The following CARMIL1 variants were observed in gnomAD, a reference collection of about 807,000 sequenced individuals.
CARMIL1 encodes the protein F-actin-uncapping protein LRRC16A.
A neutral mutation model predicts 177.1 loss-of-function variants in CARMIL1; 90 were observed. The observed-to-expected ratio is 0.51, with a 90% CI of 0.43 to 0.61. CARMIL1 has a LOEUF of 0.61. Ranked by LOEUF, CARMIL1 falls within the 20% of genes least tolerant of loss-of-function variation. The pLI is 0.00. For missense variants in CARMIL1, 1,380 were observed against 1,667.0 expected (o/e 0.83, Z 3.00); for synonymous variants, 577 against 606.2 (o/e 0.95, Z 0.71).
intron 31 of CARMIL1, among the ~76,000 whole-genome samples, chr6:25,593,473 T>C (rs963416871): frequency 6.6e-6 from 1 of 152,220 alleles, no homozygotes; most frequent in African/African-American, 2.4e-5. Context: ...ATTGTATTAT[T>C]AGTTGGAAAG....
chr6:25,565,513 C>T (rs935072687), intron 29 of CARMIL1, among the ~76,000 whole-genome samples: 1 of 152,194 alleles, frequency 6.6e-6, no homozygotes, highest in Non-Finnish European at 1.5e-5. Flanking sequence ...TTAGTTCTAT[C>T]AGCATTGTTC....
At chr6:25,550,401 GT>G (rs1375931566) in intron 26 of CARMIL1, among the ~76,000 whole-genome samples, 2 of 152,092 alleles carry the variant, frequency 1.3e-5, no homozygotes, top group Admixed American at 1.3e-4. Context: ...AAAATTGGCA[GT>G]AGTTTCTGTG....
At chr6:25,465,630 T>C (rs990147678) in intron 8 of CARMIL1, 2 of 455,514 alleles carry the variant, frequency 4.4e-6, no homozygotes, top group Admixed American at 7.9e-5. Context: ...TCAAGCAAAT[T>C]CTGATACCAA....
rs187856956 is a variant in CARMIL1, at chr6:25,591,678, A to G, written c.3007-2737A>G. On this transcript the variant is annotated intron_variant, in intron 31 of 36. Transcript: ENST00000329474. ...TTTCAATTCAGTCTTCAGTTTTTCTACTGCTCTTCACGTAGGCTGATGCCA... is the reference window on the plus strand; with the variant it reads ...TTTCAATTCAGTCTTCAGTTTTTCTGCTGCTCTTCACGTAGGCTGATGCCA... Among the ~76,000 whole-genome samples the G allele has an allele frequency of 7.2e-5, 11 of 152,296 alleles. No homozygotes were observed. The East Asian group carries it at 2.1e-3, about 29-fold the overall frequency.
intron 2 of CARMIL1, among the ~76,000 whole-genome samples, chr6:25,297,725 G>C (rs1342460283): frequency 6.6e-6 from 1 of 152,210 alleles, no homozygotes; most frequent in African/African-American, 2.4e-5. Flanking sequence ...ACATATGCAG[G>C]TTGTCCGCAG....
chr6:25,542,480 T>G (rs1809019165), intron 26 of CARMIL1, among the ~76,000 whole-genome samples: 1 of 152,292 alleles, frequency 6.6e-6, no homozygotes, highest in African/African-American at 2.4e-5. Flanking sequence ...GCCTCCTTAT[T>G]TGCAAATATC....
At chr6:25,536,062 G>C (rs1808272474) in intron 24 of CARMIL1, among the ~76,000 whole-genome samples, 1 of 152,066 alleles carries the variant, frequency 6.6e-6, no homozygotes, top group Non-Finnish European at 1.5e-5. Flanking sequence ...GTTCTCTCGT[G>C]GTGATTAAAG....
At chr6:25,569,471 A>G (rs1156297334) in intron 29 of CARMIL1, among the ~76,000 whole-genome samples, 1 of 152,182 alleles carries the variant, frequency 6.6e-6, no homozygotes, top group Admixed American at 6.5e-5. Context: ...CTGATTGATT[A>G]CCACAGCTCT....
At position 25,551,085 on chromosome 6, in the gene CARMIL1, G is replaced by A; in HGVS notation, c.2504G>A (p.Ser835Asn). The change falls in exon 27 of 37, where the codon AGT (serine) becomes AAT (asparagine). Residue 835 changes from serine (S) to asparagine (N), a missense_variant and splice_region_variant. Physicochemically the swap from Ser to Asn is conservative, Grantham distance 46. Transcript: ENST00000329474. ...QSGIDILNKI[S>N]EVKLTVASFL... ...GGAATTGATATCCTTAACAAAATTA[G>A]GTAGGTTTATAATGTTAATAAACCT... is the stretch of plus-strand genomic sequence containing the variant. 6.2e-7 allele frequency: 1 copy of A among 1,611,518 alleles called. No homozygotes were observed. Among genetic ancestry groups the A allele is most frequent in the Non-Finnish European group, 8.5e-7 (1 of 1,178,650 alleles).
chr6:25,581,998 G>A (rs768601214), intron 31 of CARMIL1, among the ~76,000 whole-genome samples: 2 of 152,164 alleles, frequency 1.3e-5, no homozygotes, highest in African/African-American at 4.8e-5. Context: ...GAGCCTTAAT[G>A]TAGTTTACCC....
chr6:25,549,807 C>A (rs544818054), intron 26 of CARMIL1, among the ~76,000 whole-genome samples: 1 of 152,268 alleles, frequency 6.6e-6, no homozygotes, highest in Admixed American at 6.5e-5. Context: ...TCAAAAACTG[C>A]GTTTCTTATC....
intron 2 of CARMIL1, among the ~76,000 whole-genome samples, chr6:25,327,561 GCTA>G (rs2150261104): frequency 6.6e-6 from 1 of 152,248 alleles, no homozygotes; most frequent in African/African-American, 2.4e-5. Context: ...CTCCCCTCCG[GCTA>G]CTATTTGCTG....
intron 23 of CARMIL1, among the ~76,000 whole-genome samples, chr6:25,523,395 C>T (rs922209714): frequency 1.3e-5 from 2 of 151,892 alleles, no homozygotes; most frequent in African/African-American, 4.8e-5. Context: ...ACATGTAATC[C>T]TTAAAATAAA....
rs373220802 is a variant in CARMIL1 at position 25,367,596 on chromosome 6, A to C, written c.139-52518A>C. Among the ~76,000 whole-genome samples, 25 of 152,088 alleles carry C rather than the reference A, an allele frequency of 1.6e-4. 1 individual carries two copies. The East Asian group carries it at 1.9e-3, about 12-fold the overall frequency. On this transcript the variant is annotated intron_variant, in intron 2 of 36. Transcript: ENST00000329474. ...CCTGTTAAGGCTTGAAGAGGAAGGT[A>C]AGGAGGGTAAGACTTGGAGAGGGAA... is the stretch of plus-strand genomic sequence containing the variant.
intron 2 of CARMIL1, among the ~76,000 whole-genome samples, chr6:25,324,306 G>T (rs1048261308): frequency 2.0e-5 from 3 of 151,804 alleles, no homozygotes; most frequent in East Asian, 3.9e-4. Context: ...ACAGTGCAAA[G>T]CAGTAATTAT....
chr6:25,569,512 A>G (rs1008589782), intron 29 of CARMIL1, among the ~76,000 whole-genome samples: 4 of 152,202 alleles, frequency 2.6e-5, no homozygotes, highest in East Asian at 3.8e-4. Flanking sequence ...CCAGGCCCCA[A>G]AATCACCCTC....
At position 25,476,243 on chromosome 6, in the gene CARMIL1, ACTTTGTGTC is replaced by A. The variant is rs572493994; in HGVS notation, c.874+3727_874+3735del. 9.2e-5 allele frequency among the ~76,000 whole-genome samples: 14 copies of A among 152,070 alleles called. 1 individual carries two copies. The South Asian group carries it at 2.9e-3, about 32-fold the overall frequency. ...TCTGCTTTCCTACTCCTGAGACCTG[ACTTTGTGTC>A]CTTTTATCTAGCTGCGTCCCATTCA... On this transcript the variant is annotated intron_variant, in intron 11 of 36. Coordinates refer to ENST00000329474, the MANE Select transcript of CARMIL1 (RefSeq NM_017640.6).
intron 36 of CARMIL1, among the ~76,000 whole-genome samples, chr6:25,618,256 A>G (rs954179840): frequency 7.5e-6 from 1 of 133,184 alleles, no homozygotes; most frequent in Non-Finnish European, 1.6e-5. Context: ...AGCCAGCAAG[A>G]TAAGTTTTTT....
intron 2 of CARMIL1, 48 bp downstream of exon 2, chr6:25,284,957 G>C (rs1781423243): frequency 3.5e-6 from 4 of 1,154,684 alleles, no homozygotes; most frequent in African/African-American, 1.5e-5. Context: ...ATGAAAGTGT[G>C]TTTTCATTGT....
Sources: allele counts gnomAD v4.1 joint callset (sites outside exome capture counted in the v4.1 genomes callset), GRCh38; gene constraint gnomAD v4.1.1; transcripts MANE v1.5; gene names NCBI Gene and HGNC (gene_info 2026-07-23, HGNC 2026-07-21).